Variants in AKAP19 observed in about 807,000 individuals in gnomAD.
AKAP19 encodes the protein A-kinase anchoring protein 19, also known as small A-kinase anchoring protein.
At chr2:189,916,533 G>T in the AKAP19 span, among the ~76,000 whole-genome samples, 1 of 151,876 alleles carries the variant, frequency 6.6e-6, no homozygotes, top group Non-Finnish European at 1.5e-5. Flanking sequence ...TGTTGGCCAG[G>T]CTTGTCTGGA....
chr2:190,010,838 G>A, the AKAP19 span, among the ~76,000 whole-genome samples: 1 of 152,056 alleles, frequency 6.6e-6, no homozygotes, highest in African/African-American at 2.4e-5. Context: ...AATCAAGCTA[G>A]TTAATATATC....
the AKAP19 span, among the ~76,000 whole-genome samples, chr2:190,018,812 T>C: frequency 6.6e-6 from 1 of 152,212 alleles, no homozygotes; most frequent in Non-Finnish European, 1.5e-5. Context: ...CTGTTTCATG[T>C]AGCCTGTGAT....
chr2:190,091,268 G>A, the AKAP19 span, among the ~76,000 whole-genome samples: 1 of 152,154 alleles, frequency 6.6e-6, no homozygotes, highest in Non-Finnish European at 1.5e-5. Flanking sequence ...TTCAGGGACT[G>A]AAACAGAAAC....
the AKAP19 span, among the ~76,000 whole-genome samples, chr2:189,924,382 C>T: frequency 3.3e-5 from 5 of 152,164 alleles, no homozygotes; most frequent in African/African-American, 7.2e-5. Flanking sequence ...TATTGCCCCG[C>T]GCCTAGTCCC....
chr2:190,066,078 G>A, the AKAP19 span, among the ~76,000 whole-genome samples: 3 of 152,088 alleles, frequency 2.0e-5, no homozygotes, highest in African/African-American at 4.8e-5. Flanking sequence ...CAGCTTGTTG[G>A]TTTTGTCTTA....
the AKAP19 span, among the ~76,000 whole-genome samples, chr2:189,967,901 G>A: frequency 2.0e-5 from 3 of 151,570 alleles, no homozygotes; most frequent in Non-Finnish European, 4.4e-5. Flanking sequence ...AAGTTAAATG[G>A]TGAAAAAAGA....
At chr2:189,896,155 A>G in the AKAP19 span, among the ~76,000 whole-genome samples, 7,017 of 152,188 alleles carry the variant, frequency 0.046, 523 homozygotes, top group African/African-American at 0.16. Flanking sequence ...ATACAAATAT[A>G]TTATTTCTAA....
At chr2:190,126,509 G>A in the AKAP19 span, among the ~76,000 whole-genome samples, 2 of 151,612 alleles carry the variant, frequency 1.3e-5, no homozygotes, top group Non-Finnish European at 2.9e-5. Flanking sequence ...AACCTACAGA[G>A]TTTATTTTTC....
the AKAP19 span, among the ~76,000 whole-genome samples, chr2:190,058,715 G>A: frequency 6.6e-6 from 1 of 151,978 alleles, no homozygotes; most frequent in African/African-American, 2.4e-5. Context: ...CAAATTAGAT[G>A]GAGCTGGAGG....
At chr2:190,010,233 C>T in the AKAP19 span, among the ~76,000 whole-genome samples, 3 of 152,080 alleles carry the variant, frequency 2.0e-5, no homozygotes, top group African/African-American at 7.2e-5. Flanking sequence ...GATCAGAGCA[C>T]GAATAGTTTA....
the AKAP19 span, among the ~76,000 whole-genome samples, chr2:190,187,706 A>T: frequency 6.6e-6 from 1 of 152,112 alleles, no homozygotes; most frequent in Non-Finnish European, 1.5e-5. Flanking sequence ...TATAAAAAAT[A>T]ACGTGGGCAT....
At chr2:189,898,958 T>G in the AKAP19 span, among the ~76,000 whole-genome samples, 1 of 152,210 alleles carries the variant, frequency 6.6e-6, no homozygotes, top group Admixed American at 6.5e-5. Flanking sequence ...ATTTTCAGCC[T>G]TATTTCCAAA....
the AKAP19 span, among the ~76,000 whole-genome samples, chr2:190,002,082 T>C: frequency 6.6e-6 from 1 of 152,152 alleles, no homozygotes; most frequent in South Asian, 2.1e-4. Flanking sequence ...AGCCTCCCTA[T>C]AGAACAAGGG....
the AKAP19 span, among the ~76,000 whole-genome samples, chr2:189,931,906 GAGCCCC>G: frequency 6.6e-5 from 10 of 152,154 alleles, no homozygotes; most frequent in African/African-American, 2.4e-4. Context: ...TTACAGGCAT[GAGCCCC>G]AGCCCGATAC....
the AKAP19 span, among the ~76,000 whole-genome samples, chr2:190,006,464 G>T: frequency 6.9e-6 from 1 of 145,804 alleles, no homozygotes. Context: ...TGGCTAACAC[G>T]GTGAAATCCC....
chr2:190,109,094 C>T, the AKAP19 span, among the ~76,000 whole-genome samples: 1 of 152,092 alleles, frequency 6.6e-6, no homozygotes, highest in African/African-American at 2.4e-5. Flanking sequence ...TTTCAATTCT[C>T]ATTGATTTTG....
the AKAP19 span, among the ~76,000 whole-genome samples, chr2:190,131,423 A>G: frequency 2.0e-4 from 31 of 152,294 alleles, no homozygotes; most frequent in East Asian, 3.7e-3. Flanking sequence ...AGCAGAATGG[A>G]TAGTGGAGGT....
chr2:190,127,891 GTCTC>G, the AKAP19 span, among the ~76,000 whole-genome samples: 1 of 151,948 alleles, frequency 6.6e-6, no homozygotes, highest in Admixed American at 6.6e-5. Context: ...TACTTTTACA[GTCTC>G]TATATATAAT....
the AKAP19 span, among the ~76,000 whole-genome samples, chr2:189,907,487 T>C: frequency 4.6e-5 from 7 of 152,086 alleles, no homozygotes; most frequent in Non-Finnish European, 8.8e-5. Flanking sequence ...TATCATTCTG[T>C]AAAAAAATGC....
Sources: gnomAD v4.1 joint callset for allele counts (sites outside exome capture counted in the v4.1 genomes callset) on GRCh38, gnomAD v4.1.1 for gene constraint, MANE v1.5 for transcripts, NCBI Gene and HGNC (gene_info 2026-07-23, HGNC 2026-07-21) for gene names.